SLC11A2: variants seen among roughly 807,000 people sequenced by gnomAD.
The protein encoded by SLC11A2 is natural resistance-associated macrophage protein 2.
Under a neutral mutation model 68.0 loss-of-function variants are expected in SLC11A2, and 38 were observed. That is an observed-to-expected ratio of 0.56 (90% CI 0.43 to 0.73). The LOEUF is 0.73. Among genes scored for constraint, SLC11A2 ranks in the 30% least tolerant of loss-of-function variants. SLC11A2 has a pLI of 0.00. For synonymous variants in SLC11A2, 242 were observed against 250.6 expected (o/e 0.97, Z 0.32); for missense variants, 517 against 690.5 (o/e 0.75, Z 2.82).
At chr12:50,993,559 C>T (rs1350947180) in intron 11 of SLC11A2, among the ~76,000 whole-genome samples, 1 of 151,552 alleles carries the variant, frequency 6.6e-6, no homozygotes, top group Non-Finnish European at 1.5e-5. Context: ...GGCATGGTGG[C>T]TCACACCTGT....
At chr12:51,023,877 G>T (rs909140109) in intron 1 of SLC11A2, among the ~76,000 whole-genome samples, 3 of 152,054 alleles carry the variant, frequency 2.0e-5, no homozygotes, top group Non-Finnish European at 4.4e-5. Context: ...TGTACTCCCA[G>T]CTACTAGGGA....
chr12:51,014,043 A>AC (rs1465330206), intron 1 of SLC11A2: 2 of 152,170 alleles, frequency 1.3e-5, no homozygotes, highest in African/African-American at 4.8e-5. Flanking sequence ...GCTGGTCTGA[A>AC]ACTCCTGACC....
chr12:50,984,575 G>A (rs2136140442), downstream of SLC11A2, among the ~76,000 whole-genome samples: 2 of 152,248 alleles, frequency 1.3e-5, no homozygotes, highest in South Asian at 4.2e-4. Flanking sequence ...ATTGTTCTGA[G>A]ACATTGAGAA....
At position 50,987,006 on chromosome 12, in the gene SLC11A2, T is replaced by C; in HGVS notation, c.*1319A>G. 1.6e-6 allele frequency: 2 copies of C among 1,285,702 alleles called. No homozygotes were observed. Among genetic ancestry groups the C allele is most frequent in the Non-Finnish European group, 2.0e-6 (2 of 987,802 alleles). The allele number at this position is 1,285,702 out of a possible 1,614,324, so 79.6% of individuals were successfully genotyped here. ...CCAAATCAATGACTATAAAACAGTT[T>C]TGATTATTTATCTCCATCAAAGTGA... On this transcript the variant is annotated 3_prime_UTR_variant, in exon 16 of 16. Transcript: ENST00000262052.
chr12:50,975,292 C>T (rs1263909138), downstream of SLC11A2, among the ~76,000 whole-genome samples: 1 of 152,102 alleles, frequency 6.6e-6, no homozygotes, highest in African/African-American at 2.4e-5. Flanking sequence ...CAAACTGTCT[C>T]TCAGACCACA....
At chr12:50,973,410 A>G in the SLC11A2 span, among the ~76,000 whole-genome samples, 1 of 152,168 alleles carries the variant, frequency 6.6e-6, no homozygotes, top group Admixed American at 6.5e-5. Context: ...GAAAACTCTA[A>G]CAGACCTGCA....
At chr12:50,995,350 C>T (rs1467528407) in intron 10 of SLC11A2, among the ~76,000 whole-genome samples, 2 of 152,110 alleles carry the variant, frequency 1.3e-5, no homozygotes, top group Non-Finnish European at 1.5e-5. Context: ...AAGATTGATA[C>T]AGAATTCAAA....
Position 50,992,308 on chromosome 12 carries a change from G to T in SLC11A2, c.1229C>A (p.Ala410Asp), listed in dbSNP as rs749540540. 5.0e-6 allele frequency: 8 copies of T among 1,613,896 alleles called. No individual in the cohort carries two copies. In the Admixed American group the frequency reaches 5.0e-5, roughly 10 times the overall value. ...AATAGAGCGAGTCAGAACCACTCGGGCAAAGCGTGACCACTTTAGGTTCAG... is the reference window on the plus strand; with the variant it reads ...AATAGAGCGAGTCAGAACCACTCGGTCAAAGCGTGACCACTTTAGGTTCAG... The part of the protein sequence containing the change: ...GFLNLKWSRF[A>D]RVVLTRSIAI... The change falls in exon 13 of 16, where the codon GCC becomes GAC. Residue 410 changes from alanine to aspartate, a missense_variant. By Grantham distance (126) the Ala-to-Asp change is moderately radical. Coordinates refer to ENST00000262052, the MANE Select transcript of SLC11A2 (RefSeq NM_000617.3).
At chr12:50,990,482 G>C (rs778113541) in intron 15 of SLC11A2, 42 of 269,392 alleles carry the variant, frequency 1.6e-4, no homozygotes, top group Non-Finnish European at 2.6e-4. Context: ...TTTATGGTTA[G>C]AAATATTATT....
At chr12:50,954,105 C>G in the SLC11A2 span, 1 of 1,494,878 alleles carries the variant, frequency 6.7e-7, no homozygotes, top group South Asian at 1.2e-5. Flanking sequence ...AAGTACAAGC[C>G]TTGACTGGAT....
the SLC11A2 span, among the ~76,000 whole-genome samples, chr12:50,969,262 C>T: frequency 6.6e-6 from 1 of 151,680 alleles, no homozygotes; most frequent in Non-Finnish European, 1.5e-5. Context: ...CCACTGCACT[C>T]CAGCCTGGGC....
At chr12:50,980,032 C>G (rs1939932362), downstream of SLC11A2, 2 of 431,862 alleles carry the variant, frequency 4.6e-6, no homozygotes, top group Admixed American at 2.6e-5. Context: ...TCAACACCAG[C>G]CTGGGCAACA....
intron 5 of SLC11A2, among the ~76,000 whole-genome samples, chr12:51,000,805 A>G (rs1383453877): frequency 2.0e-5 from 3 of 152,228 alleles, no homozygotes; most frequent in Admixed American, 2.0e-4. Context: ...TCAAGAAAGA[A>G]TATTAAATGA....
chr12:51,014,731 T>C (rs961993778), intron 1 of SLC11A2, among the ~76,000 whole-genome samples: 86 of 151,504 alleles, frequency 5.7e-4, no homozygotes, highest in Non-Finnish European at 1.5e-5. Flanking sequence ...TAGGTGCCTG[T>C]AATTCCAACT....
At chr12:51,023,170 G>A (rs1307445035) in intron 1 of SLC11A2, among the ~76,000 whole-genome samples, 1 of 152,206 alleles carries the variant, frequency 6.6e-6, no homozygotes, top group African/African-American at 2.4e-5. Flanking sequence ...GGCAAGGCTG[G>A]GCGCAGTGGC....
intron 1 of SLC11A2, among the ~76,000 whole-genome samples, chr12:51,016,742 G>A (rs1439832889): frequency 6.6e-6 from 1 of 151,458 alleles, no homozygotes; most frequent in Non-Finnish European, 1.5e-5. Flanking sequence ...AGCTACTGGG[G>A]AGGCTGAGGC....
the SLC11A2 span, among the ~76,000 whole-genome samples, chr12:50,958,148 T>C: frequency 6.6e-6 from 1 of 151,966 alleles, no homozygotes; most frequent in Non-Finnish European, 1.5e-5. Flanking sequence ...GGTAAAGATG[T>C]CAATTCTCCC....
At chr12:51,028,268 C>G, upstream of SLC11A2, 1 of 1,496,630 alleles carries the variant, frequency 6.7e-7, no homozygotes, top group Non-Finnish European at 9.0e-7. Flanking sequence ...GCTCCTGCCT[C>G]TATATATGAA....
At chr12:51,001,728 GGAGGCT>G (rs1446579372) in intron 5 of SLC11A2, among the ~76,000 whole-genome samples, 1 of 151,862 alleles carries the variant, frequency 6.6e-6, no homozygotes, top group Admixed American at 6.6e-5. Context: ...CAACTACTTG[GGAGGCT>G]GAGGCAGGAG....
Sources: allele counts gnomAD v4.1 joint callset (sites outside exome capture counted in the v4.1 genomes callset), GRCh38; gene constraint gnomAD v4.1.1; transcripts MANE v1.5; gene names NCBI Gene and HGNC (gene_info 2026-07-23, HGNC 2026-07-21).